Variants in ATP6V1C1 observed in about 807,000 individuals in gnomAD.
ATP6V1C1 encodes the protein ATPase H+ transporting V1 subunit C1.
Under a neutral mutation model 53.9 loss-of-function variants are expected in ATP6V1C1, and 45 were observed. The observed-to-expected ratio is 0.83, with a 90% CI of 0.66 to 1.07. The LOEUF (loss-of-function observed/expected upper bound fraction) is 1.07, where lower values mean the gene tolerates loss of function less well. Among genes scored for constraint, ATP6V1C1 ranks in the 50% least tolerant of loss-of-function variants. The pLI is 0.00. For synonymous variants in ATP6V1C1, 153 were observed against 155.2 expected, an observed-to-expected ratio of 0.99 and a Z score of 0.11; for missense variants, 315 against 440.3, an observed-to-expected ratio of 0.72 and a Z score of 2.55.
intron 1 of ATP6V1C1, among the ~76,000 whole-genome samples, chr8:103,030,369 A>G (rs946834216): frequency 1.3e-5 from 2 of 152,208 alleles, no homozygotes; most frequent in African/African-American, 4.8e-5. Flanking sequence ...CATAGAAACA[A>G]TCAGAACAAT....
chr8:103,024,832 C>T (rs537320895), intron 1 of ATP6V1C1, among the ~76,000 whole-genome samples: 40 of 152,244 alleles, frequency 2.6e-4, no homozygotes, highest in South Asian at 2.1e-3. Flanking sequence ...AATTTTTTAT[C>T]CAGCAGGACA....
rs1406248409 is a variant in ATP6V1C1, at chr8:103,025,206, A to T, written c.-40+3981A>T. Among the ~76,000 whole-genome samples the T allele has an allele frequency of 3.9e-5, 6 of 152,330 alleles. No homozygotes were observed. In the East Asian group the frequency reaches 1.2e-3, roughly 29 times the overall value. On this transcript the variant is annotated intron_variant, in intron 1 of 12. Transcript: ENST00000518738. Reference sequence around the variant, plus strand: ...TTAAGGCGTGTTAACAGGTGGTTTAACTTTACCATGAAAGGTTTTCCTTTT... The same window carrying T: ...TTAAGGCGTGTTAACAGGTGGTTTATCTTTACCATGAAAGGTTTTCCTTTT...
intron 1 of ATP6V1C1, among the ~76,000 whole-genome samples, 186 bp from the exon 2 acceptor site, chr8:103,040,612 A>G (rs986392077): frequency 1.3e-5 from 2 of 152,162 alleles, no homozygotes; most frequent in Admixed American, 1.3e-4. Context: ...ATCATAAATA[A>G]ATCGTTTTTT....
intron 5 of ATP6V1C1, among the ~76,000 whole-genome samples, chr8:103,051,367 T>G (rs1817196648): frequency 1.3e-5 from 2 of 152,176 alleles, no homozygotes; most frequent in African/African-American, 4.8e-5. Flanking sequence ...ACTTAAATAT[T>G]ACATCAACAG....
At chr8:103,039,685 G>A (rs1473820) in intron 1 of ATP6V1C1, among the ~76,000 whole-genome samples, 6,720 of 152,136 alleles carry the variant, frequency 0.044, 179 homozygotes, top group Middle Eastern at 0.065. Flanking sequence ...CCTAGATTCT[G>A]AATAGATTTG....
At position 103,052,745 on chromosome 8, in the gene ATP6V1C1, T is replaced by G. The variant is rs182300188; in HGVS notation, c.396T>G (p.Ile132Met). Residue 132 changes from isoleucine to methionine, a missense_variant, in exon 6 of 13, where the codon ATT becomes ATG. Physicochemically the swap from Ile to Met is conservative, Grantham distance 10. Coordinates refer to ENST00000518738, the MANE Select transcript of ATP6V1C1 (RefSeq NM_001695.5). ...SEIIAKGVTQ[I>M]DNDLKSRASA... ...CTTTTTCAAAGGGAGTAACTCAGAT[T>G]GATAATGACCTGAAATCTCGAGCAT... 1 of 1,590,818 alleles carries G rather than the reference T, an allele frequency of 6.3e-7. No individual in the cohort carries two copies. The highest frequency in any genetic ancestry group is 1.8e-5 in the Admixed American group (1 of 56,418).
intron 12 of ATP6V1C1, among the ~76,000 whole-genome samples, chr8:103,066,968 A>G (rs1817502224): frequency 6.6e-6 from 1 of 151,362 alleles, no homozygotes; most frequent in Admixed American, 6.6e-5. Context: ...GTAAGATCCC[A>G]TCTGAAAAAA....
At chr8:103,022,651 A>G (rs1419516786) in intron 1 of ATP6V1C1, among the ~76,000 whole-genome samples, 1 of 152,220 alleles carries the variant, frequency 6.6e-6, no homozygotes, top group African/African-American at 2.4e-5. Context: ...AAAGATTAAA[A>G]CAATTTTATT....
intron 4 of ATP6V1C1, among the ~76,000 whole-genome samples, chr8:103,050,674 G>A (rs1044711719): frequency 6.6e-6 from 1 of 152,056 alleles, no homozygotes; most frequent in Non-Finnish European, 1.5e-5. Flanking sequence ...GTTTGTTTGG[G>A]TAAGTTATCA....
At chr8:103,021,939 G>A (rs1586302608) in intron 1 of ATP6V1C1, among the ~76,000 whole-genome samples, 1 of 152,224 alleles carries the variant, frequency 6.6e-6, no homozygotes, top group Middle Eastern at 3.4e-3. Context: ...GGTATGTTAG[G>A]GAAAAATCAC....
chr8:103,049,026 G>A lies in ATP6V1C1; in HGVS notation c.286+71G>A, dbSNP rs1389907480. On this transcript the variant is annotated intron_variant, in intron 4 of 12. Coordinates refer to ENST00000518738, the MANE Select transcript of ATP6V1C1 (RefSeq NM_001695.5). ...AATAACTAAGCTACAGAAACAAAAAGTAATGTAAAAAAGTCTACAGAAAAG... is the reference window on the plus strand; with the variant it reads ...AATAACTAAGCTACAGAAACAAAAAATAATGTAAAAAAGTCTACAGAAAAG... The A allele has an allele frequency of 1.1e-5, 15 of 1,417,710 alleles. No homozygotes were observed. The Admixed American group carries it at 2.8e-4, about 27-fold the overall frequency. The allele number at this position is 1,417,710 out of a possible 1,614,324, so 87.8% of individuals were successfully genotyped here. A position where few individuals can be genotyped will look rare whatever the true frequency, so the allele number is the denominator to read the frequency against.
intron 8 of ATP6V1C1, among the ~76,000 whole-genome samples, chr8:103,059,638 TACA>T (rs1274405693): frequency 3.3e-5 from 5 of 151,494 alleles, no homozygotes; most frequent in Admixed American, 3.3e-4. Context: ...GTCAAATATC[TACA>T]ATTTCATAGG....
chr8:103,069,027 C>T lies in ATP6V1C1; in HGVS notation c.*280C>T, dbSNP rs1817543321. On this transcript the variant is annotated 3_prime_UTR_variant, in exon 13 of 13. Transcript: ENST00000518738. ...AGTTTATTTAAAGAGAAGGTCTCTT[C>T]CTTATTGATATCATGGTATGCATTA... 5.0e-6 allele frequency: 1 copy of T among 199,266 alleles called. No homozygotes were observed. The highest frequency in any genetic ancestry group is 1.0e-5 in the Non-Finnish European group (1 of 100,224). The allele number at this position is 199,266 out of a possible 1,614,324, so 12.3% of individuals were successfully genotyped here. A position where few individuals can be genotyped will look rare whatever the true frequency, so the allele number is the denominator to read the frequency against.
rs1817192097 is a variant in ATP6V1C1, at chr8:103,051,040, C to T, written c.287-10C>T. ...TTTTCTTCAGTAATTAATTTATTCC[C>T]TTATTTCAGTGGACTTGGTTACTTA... On this transcript the variant is annotated splice_polypyrimidine_tract_variant and intron_variant, in intron 4 of 12. Transcript: ENST00000518738. 6.4e-7 allele frequency: 1 copy of T among 1,555,230 alleles called. No homozygotes were observed.
chr8:103,022,896 A>C (rs564682113), intron 1 of ATP6V1C1, among the ~76,000 whole-genome samples: 1 of 152,176 alleles, frequency 6.6e-6, no homozygotes, highest in Non-Finnish European at 1.5e-5. Context: ...CCAAAAATAA[A>C]AAAATAACTA....
intron 3 of ATP6V1C1, among the ~76,000 whole-genome samples, chr8:103,047,095 G>T (rs1156450457): frequency 6.6e-6 from 1 of 152,304 alleles, no homozygotes; most frequent in Middle Eastern, 3.4e-3. Context: ...GCAAGTATAT[G>T]TATAAACCTC....
chr8:103,069,947 C>G lies in ATP6V1C1; in HGVS notation c.*1200C>G, dbSNP rs1032181408. On this transcript the variant is annotated 3_prime_UTR_variant, in exon 13 of 13. Transcript: ENST00000518738. ...CACAATGTAGAACATGAGAGACCCC[C>G]TCCCTCAATTTCCACCTCCCAAGGG... is the stretch of plus-strand genomic sequence containing the variant. 3 of 152,106 alleles carry G rather than the reference C, an allele frequency of 2.0e-5. No individual in the cohort carries two copies. Among genetic ancestry groups the G allele is most frequent in the Admixed American group, 2.0e-4 (3 of 15,266 alleles). 9.4% of individuals were successfully genotyped at this position (152,106 alleles called of 1,614,324 possible). A position where few individuals can be genotyped will look rare whatever the true frequency, so the allele number is the denominator to read the frequency against.
chr8:103,035,976 C>T (rs376970553), intron 1 of ATP6V1C1, among the ~76,000 whole-genome samples: 8 of 152,076 alleles, frequency 5.3e-5, no homozygotes, highest in African/African-American at 1.7e-4. Context: ...TGATCCTGGA[C>T]GAAGGGAACA....
chr8:103,048,948 T>C lies in ATP6V1C1; in HGVS notation c.279T>C (p.Ala93=). 2.5e-6 allele frequency: 4 copies of C among 1,612,536 alleles called. No individual in the cohort carries two copies. The highest frequency in any genetic ancestry group is 3.4e-6 in the Non-Finnish European group (4 of 1,179,100). Residue 93 remains alanine (A), a synonymous_variant, in exon 4 of 13, where the codon GCT becomes GCC. Coordinates refer to ENST00000518738, the MANE Select transcript of ATP6V1C1 (RefSeq NM_001695.5). ...ACAAAGTTCAAGAGAATCTGTTGGC[T>C]AATGGAGGTAAGCTAATGCTCATGA... The part of the protein sequence containing the change: ...SKDKVQENLL[A]NGVDLVTYIT...
Sources: gnomAD v4.1 joint callset for allele counts (sites outside exome capture counted in the v4.1 genomes callset) on GRCh38, gnomAD v4.1.1 for gene constraint, MANE v1.5 for transcripts, NCBI Gene and HGNC (gene_info 2026-07-23, HGNC 2026-07-21) for gene names.